Variants in EPHA3 observed in about 807,000 individuals in gnomAD.
EPHA3 encodes ephrin type-A receptor 3.
EPHA3 carries 42 observed loss-of-function variants against 107.1 expected under a neutral mutation model. The observed-to-expected ratio is 0.39, with a 90% CI of 0.31 to 0.51. The LOEUF (loss-of-function observed/expected upper bound fraction) is 0.51. EPHA3 is among the 20% of genes least tolerant of loss of function. EPHA3 has a pLI of 0.78. For missense variants in EPHA3, 1,183 were observed against 1,211.2 expected (o/e 0.98, Z 0.35); for synonymous variants, 461 against 424.8 (o/e 1.09, Z -1.05).
chr3:89,164,263 G>C (rs971482634), intron 2 of EPHA3, among the ~76,000 whole-genome samples: 2 of 152,140 alleles, frequency 1.3e-5, no homozygotes, highest in Non-Finnish European at 2.9e-5. Context: ...TAGCTAATGA[G>C]CTTAAAAAAT....
chr3:89,183,143 T>A (rs1705482894), intron 2 of EPHA3, among the ~76,000 whole-genome samples: 1 of 152,038 alleles, frequency 6.6e-6, no homozygotes, highest in Non-Finnish European at 1.5e-5. Flanking sequence ...GTTAAAATAA[T>A]TATTGAGTTC....
chr3:89,350,579 A>G (rs1374872378), intron 5 of EPHA3, among the ~76,000 whole-genome samples: 2 of 149,742 alleles, frequency 1.3e-5, no homozygotes, highest in Non-Finnish European at 1.5e-5. Context: ...CCCATAGCTC[A>G]GAGTAATTTG....
chr3:89,474,138 T>C lies in EPHA3; in HGVS notation c.2846+1519T>C, dbSNP rs1710460621. 2.0e-5 allele frequency among the ~76,000 whole-genome samples: 3 copies of C among 152,176 alleles called. No homozygotes were observed. The South Asian group carries it at 6.2e-4, about 32-fold the overall frequency. ...GAACATGCCATGTAATTAATAGATA[T>C]AAGTGCCCAACAAACAAATAAATAA... On this transcript the variant is annotated intron_variant, in intron 16 of 16. Coordinates refer to ENST00000336596, the MANE Select transcript of EPHA3 (RefSeq NM_005233.6).
chr3:89,441,046 G>T (rs1253793407), intron 13 of EPHA3, among the ~76,000 whole-genome samples: 2 of 152,172 alleles, frequency 1.3e-5, no homozygotes, highest in African/African-American at 4.8e-5. Flanking sequence ...ATTTTATATA[G>T]TCCATGACCC....
chr3:89,242,326 C>T (rs913485532), intron 3 of EPHA3, among the ~76,000 whole-genome samples: 1 of 152,160 alleles, frequency 6.6e-6, no homozygotes, highest in Non-Finnish European at 1.5e-5. Flanking sequence ...AAGAATGTTT[C>T]AAATAACTTT....
intron 3 of EPHA3, among the ~76,000 whole-genome samples, chr3:89,255,144 A>G (rs1412220831): frequency 6.6e-6 from 1 of 152,214 alleles, no homozygotes; most frequent in African/African-American, 2.4e-5. Context: ...CAGATATTAG[A>G]AAATTCTTAT....
chr3:89,441,838 C>T (rs1709792462), intron 13 of EPHA3, among the ~76,000 whole-genome samples: 1 of 152,162 alleles, frequency 6.6e-6, no homozygotes, highest in African/African-American at 2.4e-5. Context: ...AGATCCTCAG[C>T]TTAAATGCAG....
chr3:89,134,545 A>G (rs1304464782), intron 2 of EPHA3, among the ~76,000 whole-genome samples: 2 of 151,998 alleles, frequency 1.3e-5, no homozygotes, highest in Non-Finnish European at 2.9e-5. Flanking sequence ...AAGGACATGA[A>G]CTCATCATTT....
At chr3:89,298,543 A>C (rs1057074403) in intron 3 of EPHA3, among the ~76,000 whole-genome samples, 2 of 151,870 alleles carry the variant, frequency 1.3e-5, no homozygotes, top group African/African-American at 4.8e-5. Context: ...TTTTTATTTC[A>C]TTTTGTTTCT....
At chr3:89,219,634 C>G (rs1453022580) in intron 3 of EPHA3, among the ~76,000 whole-genome samples, 1 of 148,196 alleles carries the variant, frequency 6.7e-6, no homozygotes, top group Non-Finnish European at 1.5e-5. Flanking sequence ...ATTCTGGAGT[C>G]TACACCAGTG....
Position 89,481,869 on chromosome 3 carries a change from G to T in EPHA3, c.*2367G>T, listed in dbSNP as rs1391598144. 2 of 230,594 alleles carry T rather than the reference G, an allele frequency of 8.7e-6. No homozygotes were observed. The highest frequency in any genetic ancestry group is 4.4e-5 in the African/African-American group (2 of 45,152). The allele number at this position is 230,594 out of a possible 1,614,324, so 14.3% of individuals were successfully genotyped here. On this transcript the variant is annotated 3_prime_UTR_variant, in exon 17 of 17. Coordinates refer to ENST00000336596, the MANE Select transcript of EPHA3 (RefSeq NM_005233.6). ...TCCTACATGATGTTATGTACCATATGATCTGTTTTGTATCTTAAATTTGAT... is the reference window on the plus strand; with the variant it reads ...TCCTACATGATGTTATGTACCATATTATCTGTTTTGTATCTTAAATTTGAT...
intron 2 of EPHA3, among the ~76,000 whole-genome samples, chr3:89,198,526 T>C (rs1184578374): frequency 6.6e-6 from 1 of 152,154 alleles, no homozygotes; most frequent in Non-Finnish European, 1.5e-5. Flanking sequence ...CATGTTTCTA[T>C]GAAGTATTGT....
intron 5 of EPHA3, among the ~76,000 whole-genome samples, chr3:89,392,180 C>A (rs536149951): frequency 2.0e-4 from 31 of 152,256 alleles, no homozygotes; most frequent in African/African-American, 7.5e-4. Context: ...TGGCTCACTC[C>A]TGTAATCCCA....
intron 3 of EPHA3, among the ~76,000 whole-genome samples, chr3:89,289,122 A>G (rs1292778301): frequency 6.6e-6 from 1 of 152,120 alleles, no homozygotes; most frequent in Non-Finnish European, 1.5e-5. Flanking sequence ...AGGAACTACA[A>G]CAGAGAGATA....
At chr3:89,196,732 A>C (rs1163394762) in intron 2 of EPHA3, among the ~76,000 whole-genome samples, 2 of 152,028 alleles carry the variant, frequency 1.3e-5, no homozygotes, top group African/African-American at 4.8e-5. Flanking sequence ...CTTATGTTTA[A>C]ATTTCTTCCC....
chr3:89,421,667 T>TA (rs1709355813), intron 11 of EPHA3, among the ~76,000 whole-genome samples: 1 of 151,280 alleles, frequency 6.6e-6, no homozygotes, highest in Non-Finnish European at 1.5e-5. Flanking sequence ...GTTTCAGTGT[T>TA]ATGAATTATG....
At chr3:89,208,423 G>GAAGAAAGAAAGAAAGAAAGA (rs745313705) in intron 2 of EPHA3, among the ~76,000 whole-genome samples, 7 of 37,548 alleles carry the variant, frequency 1.9e-4, no homozygotes, top group East Asian at 5.3e-4. Flanking sequence ...AGGAAGGAAG[G>GAAGAAAGAAAGAAAGAAAGA]AAGAAAGAAA....
chr3:89,288,038 TA>T (rs1260674522), intron 3 of EPHA3, among the ~76,000 whole-genome samples: 5 of 151,958 alleles, frequency 3.3e-5, no homozygotes, highest in Non-Finnish European at 7.4e-5. Flanking sequence ...TTTTTTGGAA[TA>T]AAAAAACTAG....
At chr3:89,110,836 G>A (rs139691886) in intron 1 of EPHA3, among the ~76,000 whole-genome samples, 1 of 151,966 alleles carries the variant, frequency 6.6e-6, no homozygotes. Flanking sequence ...ATCAACTGTG[G>A]TTACTTCAAC....
Sources: allele counts gnomAD v4.1 joint callset (sites outside exome capture counted in the v4.1 genomes callset), GRCh38; gene constraint gnomAD v4.1.1; transcripts MANE v1.5; gene names NCBI Gene and HGNC (gene_info 2026-07-23, HGNC 2026-07-21).